The following C16orf89 variants were observed in gnomAD, a reference collection of about 807,000 sequenced individuals.
C16orf89 encodes UPF0764 protein C16orf89.
C16orf89 carries 57 observed loss-of-function variants against 41.5 expected under a neutral mutation model. The ratio of observed to expected loss-of-function variants is 1.38; its 90% CI spans 1.11 to 1.71. The LOEUF (loss-of-function observed/expected upper bound fraction) is 1.71. Ranked by LOEUF, C16orf89 falls within the 40% of genes most tolerant of loss-of-function variation. The pLI, the probability that C16orf89 is intolerant of heterozygous loss-of-function variation, is 0.00. For synonymous variants in C16orf89, 223 were observed against 190.6 expected, an observed-to-expected ratio of 1.17 and a Z score of -1.40; for missense variants, 575 against 445.9, an observed-to-expected ratio of 1.29 and a Z score of -2.61.
chr16:5,056,124 A>T lies in C16orf89; in HGVS notation c.692T>A (p.Met231Lys). Residue 231 changes from methionine (M) to lysine (K), a missense_variant, in exon 5 of 8, where the codon ATG (methionine) becomes AAG (lysine). Met to Lys is a moderately conservative substitution (Grantham distance 95, BLOSUM62 -1). Transcript: ENST00000472572. ...CTCAGCTCTGCGGTTCAAGTCCATCATGTTGGCGCAGAAGAGGTTGATATA... is the reference window on the plus strand; with the variant it reads ...CTCAGCTCTGCGGTTCAAGTCCATCTTGTTGGCGCAGAAGAGGTTGATATA... The part of the protein sequence containing the change: ...QDYINLFCAN[M>K]MDLNRRAEAI... 2 of 1,599,736 alleles carry T rather than the reference A, an allele frequency of 1.3e-6. No homozygotes were observed. The highest frequency in any genetic ancestry group is 1.7e-6 in the Non-Finnish European group (2 of 1,167,844).
chr16:5,048,930 A>G, intron 6 of C16orf89, among the ~76,000 whole-genome samples: 1 of 150,596 alleles, frequency 6.6e-6, no homozygotes, highest in East Asian at 2.0e-4. Flanking sequence ...GAGTGGCTGA[A>G]TGAATGAAAA....
chr16:5,064,103 C>T lies in C16orf89; in HGVS notation c.209-1529G>A, dbSNP rs941773596. Among the ~76,000 whole-genome samples the T allele has an allele frequency of 2.0e-5, 3 of 151,596 alleles. No homozygotes were observed. In the South Asian group the frequency reaches 6.3e-4, roughly 32 times the overall value. ...TGGCACCACTGCACTGCAGCCTGGG[C>T]GACAGAGCGAGACTCCGTCTCAAAA... On this transcript the variant is annotated intron_variant, in intron 1 of 7. Transcript: ENST00000472572.
rs548744067 is a variant in C16orf89 at position 5,050,052 on chromosome 16, T to A, written c.869-2088A>T. On this transcript the variant is annotated intron_variant, in intron 6 of 7. Coordinates refer to ENST00000472572, the MANE Select transcript of C16orf89 (RefSeq NM_001098514.3). ...AAATACAAAGGATCATTAGAGACTATTATAAACAACAAATTAGAAAACCTA... is the reference window on the plus strand; with the variant it reads ...AAATACAAAGGATCATTAGAGACTAATATAAACAACAAATTAGAAAACCTA... 2.4e-4 allele frequency among the ~76,000 whole-genome samples: 37 copies of A among 152,230 alleles called. No individual in the cohort carries two copies. The South Asian group carries it at 5.4e-3, about 22-fold the overall frequency.
At chr16:5,057,643 C>G (rs980939115) in intron 4 of C16orf89, among the ~76,000 whole-genome samples, 10 of 151,796 alleles carry the variant, frequency 6.6e-5, no homozygotes, top group Non-Finnish European at 1.2e-4. Context: ...ATTCTCCTGC[C>G]TCAGCCTCCC....
intron 4 of C16orf89, among the ~76,000 whole-genome samples, chr16:5,056,719 G>A (rs1191202354): frequency 6.6e-6 from 1 of 152,116 alleles, no homozygotes; most frequent in Non-Finnish European, 1.5e-5. Flanking sequence ...CTGTAGCAGT[G>A]GTCAGAGTTA....
intron 2 of C16orf89, among the ~76,000 whole-genome samples, chr16:5,061,858 C>T (rs1361797369): frequency 1.3e-5 from 2 of 152,030 alleles, no homozygotes; most frequent in African/African-American, 2.4e-5. Context: ...CCCGCCCTTG[C>T]CATCCAGGAA....
intron 7 of C16orf89, among the ~76,000 whole-genome samples, chr16:5,045,968 C>G (rs553418044): frequency 1.9e-4 from 29 of 152,300 alleles, no homozygotes; most frequent in African/African-American, 5.8e-4. Context: ...CTAGGACAGT[C>G]CTCGTGTTGG....
intron 6 of C16orf89, among the ~76,000 whole-genome samples, chr16:5,051,638 A>G (rs1262621767): frequency 6.6e-6 from 1 of 152,202 alleles, no homozygotes; most frequent in Non-Finnish European, 1.5e-5. Context: ...GAAGTGATCT[A>G]CAGATTGAAT....
chr16:5,065,276 G>C (rs1956714455), intron 1 of C16orf89, among the ~76,000 whole-genome samples: 1 of 152,192 alleles, frequency 6.6e-6, no homozygotes, highest in Admixed American at 6.5e-5. Context: ...GACTTTGGCT[G>C]CAAGTGGAGG....
intron 4 of C16orf89, 50 bp from the exon 5 acceptor site, chr16:5,056,238 GAC>G: frequency 1.3e-6 from 2 of 1,523,640 alleles, no homozygotes; most frequent in Non-Finnish European, 9.0e-7. Flanking sequence ...ACAGATGACA[GAC>G]ACACGCCCTG....
rs1956253127 is a variant in C16orf89, at chr16:5,044,295, A to G, written c.*53T>C. ...CGTGCCCTCCAGGATCTAAGGGATG[A>G]GGACTAAAGGGGTCTGTTCCTCCTC... On this transcript the variant is annotated 3_prime_UTR_variant, in exon 8 of 8. Transcript: ENST00000472572. The G allele has an allele frequency of 2.6e-6, 4 of 1,517,634 alleles. No individual in the cohort carries two copies. The highest frequency in any genetic ancestry group is 2.6e-6 in the Non-Finnish European group (3 of 1,134,696). 94.0% of individuals were successfully genotyped at this position (1,517,634 alleles called of 1,614,324 possible).
At chr16:5,047,593 G>A (rs1956322149) in intron 7 of C16orf89, among the ~76,000 whole-genome samples, 2 of 151,868 alleles carry the variant, frequency 1.3e-5, no homozygotes, top group South Asian at 4.2e-4. Flanking sequence ...TCAGACTCCC[G>A]AGTAACTGGG....
chr16:5,051,197 A>T (rs566812400), intron 6 of C16orf89, among the ~76,000 whole-genome samples: 1 of 152,356 alleles, frequency 6.6e-6, no homozygotes, highest in Admixed American at 6.5e-5. Context: ...TAGAAGTCTT[A>T]GCCAGAGCAA....
chr16:5,045,438 C>A (rs1347704011), intron 7 of C16orf89, among the ~76,000 whole-genome samples: 2 of 152,188 alleles, frequency 1.3e-5, no homozygotes, highest in African/African-American at 4.8e-5. Context: ...TCAAAGTGGG[C>A]TGCACGCCTC....
intron 3 of C16orf89, among the ~76,000 whole-genome samples, chr16:5,059,990 T>A (rs1455605998): frequency 6.6e-6 from 1 of 151,958 alleles, no homozygotes; most frequent in Non-Finnish European, 1.5e-5. Context: ...TCTAGGGGCC[T>A]GGAGACTTGG....
At chr16:5,056,608 G>A (rs898598587) in intron 4 of C16orf89, among the ~76,000 whole-genome samples, 11 of 151,990 alleles carry the variant, frequency 7.2e-5, no homozygotes, top group African/African-American at 2.4e-4. Context: ...CTGAACCCGC[G>A]GGCAGCTTCA....
rs376437700 is a variant in C16orf89 at position 5,060,450 on chromosome 16, C to T, written c.359-14G>A. 3.4e-4 allele frequency: 543 copies of T among 1,607,218 alleles called. No individual in the cohort carries two copies. The highest frequency in any genetic ancestry group is 3.3e-4 in the Non-Finnish European group (388 of 1,176,424). The stretch of plus-strand genomic sequence containing the variant: ...TCAGCTGGAACTCTGGCAGAGAGGA[C>T]AGATAGATGGGGTGGGGTGTGGGGG... On this transcript the variant is annotated splice_polypyrimidine_tract_variant and intron_variant, in intron 2 of 7. Coordinates refer to ENST00000472572, the MANE Select transcript of C16orf89 (RefSeq NM_001098514.3).
chr16:5,052,715 A>G (rs569630557), intron 6 of C16orf89, among the ~76,000 whole-genome samples: 1 of 152,382 alleles, frequency 6.6e-6, no homozygotes, highest in Admixed American at 6.5e-5. Context: ...GGAAAGCAGT[A>G]TGGAGATTTG....
In C16orf89 at chr16:5,055,276, T is replaced by G. The variant is rs759349074; in HGVS notation, c.838A>C (p.Lys280Gln). ...RWLEAILSWQ[K>Q]QQEGCFGEPD... is the part of the protein sequence containing the mutation. ...TCCCCGAAGCATCCTTCCTGCTGTT[T>G]CTGCCAGCTGAGAATGGCCTCCAGC... The change falls in exon 6 of 8, where the codon AAA (lysine) becomes CAA (glutamine). Residue 280 changes from lysine (K) to glutamine (Q), a missense_variant. By Grantham distance (53) the Lys-to-Gln change is moderately conservative (BLOSUM62 1). Transcript: ENST00000472572. The G allele has an allele frequency of 1.1e-5, 18 of 1,613,246 alleles. No individual in the cohort carries two copies. In the African/African-American group the frequency reaches 2.3e-4, roughly 20 times the overall value.
Sources: gnomAD v4.1 joint callset for allele counts (sites outside exome capture counted in the v4.1 genomes callset) on GRCh38, gnomAD v4.1.1 for gene constraint, MANE v1.5 for transcripts, NCBI Gene and HGNC (gene_info 2026-07-23, HGNC 2026-07-21) for gene names.